Variants in ZPBP observed in about 807,000 individuals in gnomAD.
ZPBP encodes the protein zona pellucida-binding protein 1.
Under a neutral mutation model 44.8 loss-of-function variants are expected in ZPBP, and 26 were observed. The observed-to-expected ratio is 0.58, with a 90% CI of 0.43 to 0.81. The LOEUF (loss-of-function observed/expected upper bound fraction) is 0.81. Ranked by LOEUF, ZPBP falls within the 30% of genes least tolerant of loss-of-function variation. The probability of loss-of-function intolerance (pLI) is 0.00; values close to 1 mark genes in which losing one functional copy is unlikely to be tolerated. For synonymous variants in ZPBP, 174 were observed against 153.2 expected, an observed-to-expected ratio of 1.14 and a Z score of -1.00; for missense variants, 409 against 434.0, an observed-to-expected ratio of 0.94 and a Z score of 0.51.
chr7:49,925,540 G>A (rs866461193), intron 1 of ZPBP, among the ~76,000 whole-genome samples: 2 of 152,228 alleles, frequency 1.3e-5, no homozygotes, highest in African/African-American at 2.4e-5. Context: ...TGGAGCTGAT[G>A]ATGAAAGATG....
intron 6 of ZPBP, among the ~76,000 whole-genome samples, chr7:49,986,510 G>T (rs1797288331): frequency 6.6e-6 from 1 of 152,152 alleles, no homozygotes; most frequent in Admixed American, 6.5e-5. Flanking sequence ...TGGCCAAGAA[G>T]TCCAGCTCTG....
chr7:49,907,884 G>A (rs1793190662), intron 1 of ZPBP, among the ~76,000 whole-genome samples: 2 of 152,134 alleles, frequency 1.3e-5, no homozygotes, highest in South Asian at 4.1e-4. Flanking sequence ...GTTTTGTCAT[G>A]CAGATGAAGC....
intron 6 of ZPBP, among the ~76,000 whole-genome samples, chr7:49,995,233 A>G (rs918630118): frequency 1.3e-5 from 2 of 152,234 alleles, no homozygotes; most frequent in African/African-American, 2.4e-5. Context: ...GGAAAAGGTG[A>G]TCAAGATCTC....
intron 7 of ZPBP, among the ~76,000 whole-genome samples, chr7:49,979,197 A>G (rs915304565): frequency 6.6e-6 from 1 of 151,952 alleles, no homozygotes; most frequent in Admixed American, 6.6e-5. Context: ...AGACTCAAAC[A>G]CAAGTCTCAC....
chr7:49,930,853 C>T (rs1286097809), intron 1 of ZPBP, among the ~76,000 whole-genome samples: 1 of 152,202 alleles, frequency 6.6e-6, no homozygotes, highest in Non-Finnish European at 1.5e-5. Flanking sequence ...ATGGCTTAAC[C>T]ATATGATTTG....
rs1803087267 is a variant in ZPBP at position 50,093,166 on chromosome 7, C to G, written c.29G>C (p.Arg10Pro). 6.5e-7 allele frequency: 1 copy of G among 1,539,452 alleles called. No homozygotes were observed. The highest frequency in any genetic ancestry group is 2.5e-5 in the East Asian group (1 of 40,328). Residue 10 changes from arginine (R) to proline (P), a missense_variant, in exon 1 of 8, where the codon CGG becomes CCG. Coordinates refer to ENST00000046087, the MANE Select transcript of ZPBP (RefSeq NM_007009.3). The stretch of plus-strand genomic sequence containing the variant: ...GGCCCGGGTCCGCCGCCTGCCCCGC[C>G]GCGCTGGGCCAAGGGCGAAGGCCTC... MEAFALGPA[R>P]RGRRRTRAAG...
intron 1 of ZPBP, among the ~76,000 whole-genome samples, chr7:49,926,555 C>A (rs1018614347): frequency 6.6e-6 from 1 of 152,188 alleles, no homozygotes; most frequent in Non-Finnish European, 1.5e-5. Flanking sequence ...CACCTGCATG[C>A]ACAAGCCATT....
At chr7:49,890,249 T>C (rs754827720) in intron 2 of ZPBP, among the ~76,000 whole-genome samples, 4 of 152,190 alleles carry the variant, frequency 2.6e-5, no homozygotes, top group Non-Finnish European at 4.4e-5. Flanking sequence ...GCGTATTTGA[T>C]AAAAACTTTG....
At chr7:49,945,738 T>C (rs1204512634) in intron 7 of ZPBP, among the ~76,000 whole-genome samples, 1 of 152,088 alleles carries the variant, frequency 6.6e-6, no homozygotes, top group Non-Finnish European at 1.5e-5. Context: ...CGTCTGGGTG[T>C]AGTGTGTTTC....
chr7:49,991,009 A>G (rs1797547536), intron 6 of ZPBP, among the ~76,000 whole-genome samples: 1 of 152,188 alleles, frequency 6.6e-6, no homozygotes, highest in Non-Finnish European at 1.5e-5. Context: ...TAGTATTTAC[A>G]AGGTGTTACA....
chr7:49,994,655 G>A (rs1253262868), intron 6 of ZPBP, among the ~76,000 whole-genome samples: 2 of 152,220 alleles, frequency 1.3e-5, no homozygotes, highest in Non-Finnish European at 2.9e-5. Context: ...ATTACTGGCA[G>A]ATGTCAGGGC....
intron 4 of ZPBP, among the ~76,000 whole-genome samples, chr7:50,054,124 T>C (rs1272644078): frequency 2.6e-5 from 4 of 152,032 alleles, no homozygotes; most frequent in African/African-American, 7.2e-5. Context: ...CTCCTGGCCA[T>C]AAGTGATCCA....
At chr7:50,077,621 T>C (rs1802159841) in intron 3 of ZPBP, among the ~76,000 whole-genome samples, 1 of 151,860 alleles carries the variant, frequency 6.6e-6, no homozygotes, top group Non-Finnish European at 1.5e-5. Flanking sequence ...GACATTCAAA[T>C]GGCAAACAGG....
downstream of ZPBP, among the ~76,000 whole-genome samples, chr7:49,845,598 G>A (rs577342213): frequency 1.3e-5 from 2 of 152,302 alleles, no homozygotes; most frequent in East Asian, 3.9e-4. Context: ...GTGGCCAAGA[G>A]GACTTCCTAC....
At position 50,001,852 on chromosome 7, in the gene ZPBP, T is replaced by C. The variant is rs916502154; in HGVS notation, c.783+16388A>G. Among the ~76,000 whole-genome samples the C allele has an allele frequency of 4.6e-5, 7 of 152,162 alleles. 1 individual carries two copies. The highest frequency in any genetic ancestry group is 4.1e-4 in the South Asian group (2 of 4,828). Reference sequence around the variant, plus strand: ...ATGTAAAAGAGAAGAGAGAGCTGCATAGAGTGAGCCCTCAGAACTGTGAGG... The same window carrying C: ...ATGTAAAAGAGAAGAGAGAGCTGCACAGAGTGAGCCCTCAGAACTGTGAGG... On this transcript the variant is annotated intron_variant, in intron 6 of 7. Transcript: ENST00000046087.
At chr7:49,897,057 G>A (rs371696990) in intron 2 of ZPBP, among the ~76,000 whole-genome samples, 50 of 151,820 alleles carry the variant, frequency 3.3e-4, no homozygotes, top group African/African-American at 9.4e-4. Context: ...CACCTCGCCC[G>A]GCTAATTTTT....
At chr7:49,859,652 C>T (rs953054880) in intron 2 of ZPBP, among the ~76,000 whole-genome samples, 1 of 152,236 alleles carries the variant, frequency 6.6e-6, no homozygotes, top group Admixed American at 6.5e-5. Context: ...GAATACTGTG[C>T]TCTCTAAAGT....
At chr7:50,055,338 A>T (rs1194020633) in intron 4 of ZPBP, among the ~76,000 whole-genome samples, 1 of 152,206 alleles carries the variant, frequency 6.6e-6, no homozygotes, top group Non-Finnish European at 1.5e-5. Flanking sequence ...AGATTAAAGG[A>T]GCTATGTATA....
intron 4 of ZPBP, among the ~76,000 whole-genome samples, chr7:50,036,091 A>G (rs1167608684): frequency 6.6e-6 from 1 of 152,226 alleles, no homozygotes; most frequent in Non-Finnish European, 1.5e-5. Flanking sequence ...ACATTTAAAG[A>G]TTCTGGTATA....
Sources: gnomAD v4.1 joint callset for allele counts (sites outside exome capture counted in the v4.1 genomes callset) on GRCh38, gnomAD v4.1.1 for gene constraint, MANE v1.5 for transcripts, NCBI Gene and HGNC (gene_info 2026-07-23, HGNC 2026-07-21) for gene names.